CENPL: variants seen among roughly 807,000 people sequenced by gnomAD.
The protein encoded by CENPL is interphase centromere complex protein 33.
In CENPL, 20 loss-of-function variants were observed where a neutral mutation model predicts 35.2. The ratio of observed to expected loss-of-function variants is 0.57; its 90% CI spans 0.40 to 0.83. CENPL has a LOEUF of 0.83. CENPL is among the 40% of genes least tolerant of loss of function. CENPL has a pLI of 0.00. For synonymous variants in CENPL, 140 were observed against 140.6 expected (o/e 1.00, Z 0.03); for missense variants, 363 against 395.8 (o/e 0.92, Z 0.70).
intron 5 of CENPL, 86 bp downstream of exon 5, chr1:173,802,877 T>C (rs918717849): frequency 9.1e-6 from 8 of 878,890 alleles, no homozygotes; most frequent in Non-Finnish European, 1.1e-5. Context: ...AGTGTGTTTC[T>C]TCAATTGAGT....
Position 173,811,291 on chromosome 1 carries a change from A to G in CENPL, c.9T>C (p.Ser3=). Residue 3 remains serine, a synonymous_variant, in exon 3 of 6, where the codon TCT becomes TCC. Transcript: ENST00000682279. MD[S]YSAPESTPSA... is the part of the protein sequence containing the mutation. Reference sequence around the variant, plus strand: ...TAGGAGTTGACTCTGGTGCACTGTAAGAATCCATGGTCTGTCTGCATAAGA... The same window carrying G: ...TAGGAGTTGACTCTGGTGCACTGTAGGAATCCATGGTCTGTCTGCATAAGA... The G allele has an allele frequency of 3.1e-6, 5 of 1,603,582 alleles. No homozygotes were observed. The highest frequency in any genetic ancestry group is 4.3e-6 in the Non-Finnish European group (5 of 1,172,128).
At chr1:173,816,048 CAGAG>C (rs1214113544) in intron 2 of CENPL, among the ~76,000 whole-genome samples, 4 of 152,246 alleles carry the variant, frequency 2.6e-5, no homozygotes, top group Admixed American at 1.3e-4. Context: ...CAATAACAGA[CAGAG>C]AGCAAAATCA....
chr1:173,815,847 C>G (rs968696371), intron 2 of CENPL, among the ~76,000 whole-genome samples: 8 of 152,112 alleles, frequency 5.3e-5, no homozygotes, highest in African/African-American at 1.9e-4. Context: ...GGCAATCAGG[C>G]AAGAGAAAGA....
chr1:173,803,851 T>C (rs1294563082), intron 4 of CENPL, among the ~76,000 whole-genome samples: 1 of 152,132 alleles, frequency 6.6e-6, no homozygotes, highest in African/African-American at 2.4e-5. Flanking sequence ...TTTGTATTTT[T>C]AGTAGGGATG....
At chr1:173,819,468 G>A (rs1651728649) in intron 2 of CENPL, among the ~76,000 whole-genome samples, 1 of 151,880 alleles carries the variant, frequency 6.6e-6, no homozygotes. Flanking sequence ...GCACACACCT[G>A]TAGTCCCAGC....
chr1:173,816,453 C>T (rs1315338814), intron 2 of CENPL, among the ~76,000 whole-genome samples: 2 of 152,164 alleles, frequency 1.3e-5, no homozygotes, highest in South Asian at 2.1e-4. Flanking sequence ...GCCACAGTAA[C>T]CAAAACAGCA....
intron 2 of CENPL, among the ~76,000 whole-genome samples, chr1:173,816,265 A>G (rs918128841): frequency 4.6e-5 from 7 of 152,240 alleles, no homozygotes; most frequent in African/African-American, 1.7e-4. Context: ...TGCCCAAGGT[A>G]ATTTATAGAT....
intron 2 of CENPL, among the ~76,000 whole-genome samples, chr1:173,819,025 A>C (rs527642575): frequency 6.6e-6 from 1 of 152,178 alleles, no homozygotes; most frequent in South Asian, 2.1e-4. Flanking sequence ...ACTTGAGCTC[A>C]GATGTCTGAG....
rs572097036 is a variant in CENPL at position 173,813,820 on chromosome 1, T to C, written c.-7-2514A>G. Among the ~76,000 whole-genome samples the C allele has an allele frequency of 4.6e-5, 7 of 152,236 alleles. No homozygotes were observed. The South Asian group carries it at 1.5e-3, about 32-fold the overall frequency. ...ATAATGTCAGGATCAGAGTCACACC[T>C]AACAATATTAACCTTAAATGTAAAT... is the stretch of plus-strand genomic sequence containing the variant. On this transcript the variant is annotated intron_variant, in intron 2 of 5. Coordinates refer to ENST00000682279, the MANE Select transcript of CENPL (RefSeq NM_001387287.1).
chr1:173,815,996 A>T (rs898699530), intron 2 of CENPL, among the ~76,000 whole-genome samples: 3 of 152,224 alleles, frequency 2.0e-5, no homozygotes, highest in Non-Finnish European at 4.4e-5. Context: ...AAGTCTCAGG[A>T]TACAAAATCA....
chr1:173,817,921 G>A (rs566717812), intron 2 of CENPL, among the ~76,000 whole-genome samples: 4 of 152,190 alleles, frequency 2.6e-5, no homozygotes, highest in Admixed American at 6.5e-5. Flanking sequence ...ACCAAACGCC[G>A]CATGTTCTCA....
At chr1:173,805,387 T>C (rs1313220863) in intron 4 of CENPL, among the ~76,000 whole-genome samples, 1 of 151,836 alleles carries the variant, frequency 6.6e-6, no homozygotes, top group Non-Finnish European at 1.5e-5. Flanking sequence ...CGGTGGCACA[T>C]GCCTATAGTC....
rs572979437 is a variant in CENPL at position 173,809,939 on chromosome 1, G to A, written c.168+1193C>T. On this transcript the variant is annotated intron_variant, in intron 3 of 5. Transcript: ENST00000682279. ...AGTGTGAATTAGTTCAACCATTGTG[G>A]AAGACTGTGTGGCAATTCCTCAAAG... Among the ~76,000 whole-genome samples the A allele has an allele frequency of 3.3e-5, 5 of 152,300 alleles. No individual in the cohort carries two copies. In the South Asian group the frequency reaches 1.0e-3, roughly 32 times the overall value.
intron 4 of CENPL, among the ~76,000 whole-genome samples, chr1:173,807,012 A>G (rs1256956381): frequency 6.6e-6 from 1 of 152,174 alleles, no homozygotes; most frequent in Non-Finnish European, 1.5e-5. Flanking sequence ...AGTATGGGCA[A>G]TATGATCCCA....
chr1:173,823,198 A>C (rs1652151301), intron 2 of CENPL: 1 of 152,146 alleles, frequency 6.6e-6, no homozygotes, highest in Non-Finnish European at 1.5e-5. Context: ...CTTGCTTGAG[A>C]TCCCATAACA....
At chr1:173,800,956 A>C (rs542290248) in intron 5 of CENPL, among the ~76,000 whole-genome samples, 5 of 152,036 alleles carry the variant, frequency 3.3e-5, no homozygotes, top group Non-Finnish European at 7.4e-5. Context: ...GACTCTCTCT[A>C]AAACAAAAAA....
At chr1:173,807,225 A>G (rs1650315041) in intron 4 of CENPL, 42 bp downstream of exon 4, 1 of 1,474,578 alleles carries the variant, frequency 6.8e-7, no homozygotes, top group South Asian at 1.5e-5. Context: ...ACAAGACATA[A>G]TACTTTTCCC....
chr1:173,812,419 G>GCT (rs1314977762), intron 2 of CENPL, among the ~76,000 whole-genome samples: 1 of 152,218 alleles, frequency 6.6e-6, no homozygotes, highest in African/African-American at 2.4e-5. Context: ...CCCAGTAGGG[G>GCT]CCGACTGACA....
At chr1:173,821,234 T>C (rs908611156) in intron 2 of CENPL, among the ~76,000 whole-genome samples, 21 of 152,234 alleles carry the variant, frequency 1.4e-4, no homozygotes, top group Admixed American at 1.3e-3. Flanking sequence ...AAGTAGATCA[T>C]GCTCCCAGCT....
Sources: allele counts gnomAD v4.1 joint callset (sites outside exome capture counted in the v4.1 genomes callset), GRCh38; gene constraint gnomAD v4.1.1; transcripts MANE v1.5; gene names NCBI Gene and HGNC (gene_info 2026-07-23, HGNC 2026-07-21).